The following GRM8 variants were observed in gnomAD, a reference collection of about 807,000 sequenced individuals.
GRM8 encodes the protein metabotropic glutamate receptor 8.
GRM8 carries 47 observed loss-of-function variants against 87.2 expected under a neutral mutation model. The observed-to-expected ratio is 0.54, with a 90% CI of 0.43 to 0.69. GRM8 has a LOEUF of 0.69. GRM8 is among the 30% of genes least tolerant of loss of function. The probability of loss-of-function intolerance (pLI) is 0.00; values close to 1 mark genes in which losing one functional copy is unlikely to be tolerated. For missense variants in GRM8, 1,019 were observed against 1,139.2 expected (o/e 0.89, Z 1.52); for synonymous variants, 396 against 404.5 (o/e 0.98, Z 0.25).
At chr7:127,192,529 T>A (rs1264717043) in intron 2 of GRM8, among the ~76,000 whole-genome samples, 3 of 152,228 alleles carry the variant, frequency 2.0e-5, no homozygotes, top group Admixed American at 6.5e-5. Context: ...CCCGATAGGT[T>A]TGTGCTTTAT....
chr7:127,170,519 C>A (rs1793731796), intron 2 of GRM8, among the ~76,000 whole-genome samples: 1 of 152,120 alleles, frequency 6.6e-6, no homozygotes, highest in African/African-American at 2.4e-5. Context: ...GAAGTCATTA[C>A]ATAAAAAAGA....
intron 7 of GRM8, among the ~76,000 whole-genome samples, chr7:126,674,116 C>G (rs1405160770): frequency 6.6e-6 from 1 of 152,030 alleles, no homozygotes; most frequent in East Asian, 1.9e-4. Flanking sequence ...CTGGCCAGTT[C>G]CCATTTATTT....
Position 126,634,591 on chromosome 7 carries a change from G to A in GRM8, c.1358-25093C>T, listed in dbSNP as rs77326558. On this transcript the variant is annotated intron_variant, in intron 7 of 10. Transcript: ENST00000339582. ...AAGCTCAAAATTGGTGTACCAGAGCGCTTTCTAACATAGCCCAGTCCTCCA... is the reference window on the plus strand; with the variant it reads ...AAGCTCAAAATTGGTGTACCAGAGCACTTTCTAACATAGCCCAGTCCTCCA... Among the ~76,000 whole-genome samples the A allele has an allele frequency of 1.7e-3, 263 of 152,080 alleles. 3 individuals are homozygous for A. The highest frequency in any genetic ancestry group is 5.8e-3 in the African/African-American group (240 of 41,484).
chr7:127,086,187 A>C (rs1015210860), intron 3 of GRM8, among the ~76,000 whole-genome samples: 1 of 152,094 alleles, frequency 6.6e-6, no homozygotes, highest in African/African-American at 2.4e-5. Flanking sequence ...TGCAACCTCC[A>C]CCTTCTGGGT....
chr7:126,651,156 T>G (rs945790585), intron 7 of GRM8, among the ~76,000 whole-genome samples: 3 of 152,202 alleles, frequency 2.0e-5, no homozygotes, highest in African/African-American at 7.2e-5. Flanking sequence ...ATCCATGGAC[T>G]CACAGAATGC....
intron 3 of GRM8, among the ~76,000 whole-genome samples, chr7:126,976,309 G>A (rs1345373656): frequency 6.6e-6 from 1 of 152,130 alleles, no homozygotes; most frequent in Non-Finnish European, 1.5e-5. Flanking sequence ...AACATACAAA[G>A]TATTGGCCGG....
At chr7:127,047,518 TG>T (rs1220106542) in intron 3 of GRM8, among the ~76,000 whole-genome samples, 1 of 152,096 alleles carries the variant, frequency 6.6e-6, no homozygotes, top group African/African-American at 2.4e-5. Context: ...TTTTTCCCCT[TG>T]CCATTCTACA....
intron 2 of GRM8, among the ~76,000 whole-genome samples, chr7:127,182,681 GTA>G (rs1391831197): frequency 2.3e-5 from 3 of 128,088 alleles, no homozygotes; most frequent in Non-Finnish European, 3.3e-5. Context: ...GTGTGTGTGT[GTA>G]TAGACAGATA....
intron 6 of GRM8, among the ~76,000 whole-genome samples, chr7:126,852,428 T>A (rs1380379343): frequency 6.6e-6 from 1 of 152,186 alleles, no homozygotes; most frequent in Non-Finnish European, 1.5e-5. Context: ...CCTCAGTTAG[T>A]AGCTGGAAGG....
chr7:126,487,967 T>C (rs1345864144), intron 9 of GRM8, among the ~76,000 whole-genome samples: 1 of 152,030 alleles, frequency 6.6e-6, no homozygotes, highest in Non-Finnish European at 1.5e-5. Flanking sequence ...CTGTCAGTCA[T>C]TCCTTCAACT....
At chr7:126,774,014 T>C (rs1234059739) in intron 6 of GRM8, among the ~76,000 whole-genome samples, 2 of 152,168 alleles carry the variant, frequency 1.3e-5, no homozygotes, top group African/African-American at 4.8e-5. Context: ...TTGTACATTT[T>C]TGTTCTTTTA....
intron 6 of GRM8, among the ~76,000 whole-genome samples, chr7:126,859,994 A>T (rs1426213192): frequency 1.1e-5 from 1 of 88,124 alleles, no homozygotes; most frequent in Non-Finnish European, 2.2e-5. Context: ...CTCAAATTTA[A>T]TTCTCATATT....
At chr7:126,448,698 C>G (rs1802288425) in intron 9 of GRM8, among the ~76,000 whole-genome samples, 1 of 151,926 alleles carries the variant, frequency 6.6e-6, no homozygotes, top group Non-Finnish European at 1.5e-5. Flanking sequence ...TAATTATGTA[C>G]TTTCTTAAGA....
chr7:127,048,006 C>T (rs1342941994), intron 3 of GRM8, among the ~76,000 whole-genome samples: 1 of 152,038 alleles, frequency 6.6e-6, no homozygotes, highest in African/African-American at 2.4e-5. Flanking sequence ...ATGCTATTTG[C>T]AAGGCACTGT....
At chr7:126,619,384 G>A (rs1413314562) in intron 7 of GRM8, among the ~76,000 whole-genome samples, 1 of 152,042 alleles carries the variant, frequency 6.6e-6, no homozygotes, top group Non-Finnish European at 1.5e-5. Context: ...TGGGGTGAGG[G>A]AAGTGGGGAG....
chr7:127,062,735 C>T (rs115309297), intron 3 of GRM8, among the ~76,000 whole-genome samples: 1,687 of 152,132 alleles, frequency 0.011, 25 homozygotes, highest in African/African-American at 0.038. Flanking sequence ...CTAGATCAGT[C>T]TTGGGAGGGT....
At chr7:127,011,206 C>T (rs372741514) in intron 3 of GRM8, among the ~76,000 whole-genome samples, 3 of 152,206 alleles carry the variant, frequency 2.0e-5, no homozygotes, top group East Asian at 3.9e-4. Context: ...CACAGCAATA[C>T]TTACGAAATT....
At chr7:127,218,368 A>T (rs536681241) in intron 2 of GRM8, among the ~76,000 whole-genome samples, 1 of 152,334 alleles carries the variant, frequency 6.6e-6, no homozygotes, top group Admixed American at 6.5e-5. Context: ...ACTACACTAC[A>T]GCAGGGTACA....
intron 2 of GRM8, among the ~76,000 whole-genome samples, chr7:127,211,360 T>C (rs1221708760): frequency 6.6e-6 from 1 of 152,182 alleles, no homozygotes; most frequent in Non-Finnish European, 1.5e-5. Context: ...GGGAGAAAGA[T>C]GAAGGCGGGA....
Sources: allele counts gnomAD v4.1 joint callset (sites outside exome capture counted in the v4.1 genomes callset), GRCh38; gene constraint gnomAD v4.1.1; transcripts MANE v1.5; gene names NCBI Gene and HGNC (gene_info 2026-07-23, HGNC 2026-07-21).